MAN2A1: variants seen among roughly 807,000 people sequenced by gnomAD.
MAN2A1 encodes alpha-mannosidase 2.
Under a neutral mutation model 142.6 loss-of-function variants are expected in MAN2A1, and 76 were observed. That is an observed-to-expected ratio of 0.53 (90% CI 0.44 to 0.65). The LOEUF is 0.65. Ranked by LOEUF, MAN2A1 falls within the 30% of genes least tolerant of loss-of-function variation. The pLI is 0.00. For missense variants in MAN2A1, 1,311 were observed against 1,365.1 expected, an observed-to-expected ratio of 0.96 and a Z score of 0.62; for synonymous variants, 559 against 473.2, an observed-to-expected ratio of 1.18 and a Z score of -2.35.
At chr5:109,820,035 T>C in intron 14 of MAN2A1, 148 bp downstream of exon 14, 1 of 791,014 alleles carries the variant, frequency 1.3e-6, no homozygotes, top group Non-Finnish European at 2.0e-6. Context: ...TTTTTGCACC[T>C]TCATTGACCA....
At chr5:109,820,900 G>GT (rs1561529043) in intron 15 of MAN2A1, among the ~76,000 whole-genome samples, 1 of 152,200 alleles carries the variant, frequency 6.6e-6, no homozygotes, top group African/African-American at 2.4e-5. Context: ...TAGATTTTAC[G>GT]TAGAGTTAGG....
rs1042749331 is a variant in MAN2A1, at chr5:109,779,576, CACACACAA to C, written c.1375-1812_1375-1805del. ...ACACACACACGCGTGCACACACACA[CACACACAA>C]ACACACACAGTCTTCTTCCTAGTAA... On this transcript the variant is annotated intron_variant, in intron 8 of 21. Coordinates refer to ENST00000261483, the MANE Select transcript of MAN2A1 (RefSeq NM_002372.4). Among the ~76,000 whole-genome samples the C allele has an allele frequency of 1.4e-3, 112 of 80,682 alleles. 1 individual carries two copies. The East Asian group carries it at 0.041, about 29-fold the overall frequency. The allele number at this position is 80,682 out of a possible 152,430, so 52.9% of individuals were successfully genotyped here.
At chr5:109,768,208 A>G (rs1028117948) in intron 6 of MAN2A1, among the ~76,000 whole-genome samples, 1 of 149,782 alleles carries the variant, frequency 6.7e-6, no homozygotes, top group Non-Finnish European at 1.5e-5. Flanking sequence ...AGGCATTCTA[A>G]GGATATACTT....
intron 3 of MAN2A1, 51 bp from the exon 4 acceptor site, chr5:109,729,291 A>C: frequency 8.3e-7 from 1 of 1,205,310 alleles, no homozygotes; most frequent in Non-Finnish European, 1.2e-6. Flanking sequence ...GACTGAGTTG[A>C]AATCAGCCAT....
intron 1 of MAN2A1, among the ~76,000 whole-genome samples, chr5:109,711,106 A>C (rs1751288339): frequency 6.6e-6 from 1 of 152,104 alleles, no homozygotes; most frequent in East Asian, 1.9e-4. Context: ...GATTACAGGC[A>C]TGAGCCACCG....
chr5:109,855,709 G>A (rs1328674917), intron 20 of MAN2A1, among the ~76,000 whole-genome samples: 3 of 152,080 alleles, frequency 2.0e-5, no homozygotes, highest in African/African-American at 2.4e-5. Context: ...TTGTATTTTC[G>A]TACCTTTCTC....
chr5:109,824,981 G>T (rs150453259), intron 16 of MAN2A1, among the ~76,000 whole-genome samples: 19 of 152,244 alleles, frequency 1.2e-4, no homozygotes, highest in African/African-American at 4.6e-4. Context: ...GATGAATCAA[G>T]AAGTAAAAGT....
chr5:109,844,330 C>T lies in MAN2A1; in HGVS notation c.2701-1535C>T, dbSNP rs144326391. The stretch of plus-strand genomic sequence containing the variant: ...AGCTTTGGATATAGTAGTACTTGGG[C>T]AAAACTAGGTATCTAGCTCCACCAG... On this transcript the variant is annotated intron_variant, in intron 17 of 21. Coordinates refer to ENST00000261483, the MANE Select transcript of MAN2A1 (RefSeq NM_002372.4). 9.3e-3 allele frequency among the ~76,000 whole-genome samples: 1,419 copies of T among 152,210 alleles called. 18 individuals carry two copies. Among genetic ancestry groups the T allele is most frequent in the Admixed American group, 0.024 (361 of 15,284 alleles).
chr5:109,798,588 G>C (rs1404942239), intron 12 of MAN2A1, among the ~76,000 whole-genome samples: 1 of 152,070 alleles, frequency 6.6e-6, no homozygotes, highest in Non-Finnish European at 1.5e-5. Flanking sequence ...ATAAATTATG[G>C]GGCTACCCTG....
chr5:109,770,618 C>T, intron 7 of MAN2A1, 77 bp downstream of exon 7: 2 of 1,308,620 alleles, frequency 1.5e-6, no homozygotes, highest in South Asian at 2.7e-5. Flanking sequence ...AAGGGTTGAA[C>T]AAATGGGCTT....
intron 4 of MAN2A1, among the ~76,000 whole-genome samples, chr5:109,738,211 T>C (rs972266833): frequency 6.6e-6 from 1 of 151,028 alleles, no homozygotes; most frequent in Non-Finnish European, 1.5e-5. Flanking sequence ...CCCTATCAGC[T>C]TTTATTTTTT....
At chr5:109,750,956 A>G (rs1037799267) in intron 4 of MAN2A1, among the ~76,000 whole-genome samples, 1 of 152,030 alleles carries the variant, frequency 6.6e-6, no homozygotes, top group African/African-American at 2.4e-5. Context: ...CATCACCTTG[A>G]GTATCATTTC....
intron 16 of MAN2A1, among the ~76,000 whole-genome samples, chr5:109,830,485 C>T (rs896386031): frequency 6.6e-6 from 1 of 152,198 alleles, no homozygotes; most frequent in Admixed American, 6.5e-5. Flanking sequence ...TTAAATTCAT[C>T]TTCTAAGAAT....
At chr5:109,709,761 C>T (rs987757636) in intron 1 of MAN2A1, among the ~76,000 whole-genome samples, 17 of 152,136 alleles carry the variant, frequency 1.1e-4, no homozygotes, top group African/African-American at 3.9e-4. Flanking sequence ...TCATGACCTC[C>T]TTCCCCACTC....
chr5:109,732,527 AT>A (rs1751945914), intron 4 of MAN2A1, among the ~76,000 whole-genome samples: 1 of 152,006 alleles, frequency 6.6e-6, no homozygotes, highest in Admixed American at 6.5e-5. Context: ...TCCATCTTGA[AT>A]TAATTTTTGT....
intron 3 of MAN2A1, among the ~76,000 whole-genome samples, chr5:109,722,474 G>A (rs1396659884): frequency 6.6e-6 from 1 of 152,142 alleles, no homozygotes; most frequent in Non-Finnish European, 1.5e-5. Flanking sequence ...GAGTGCAGTG[G>A]TGCAATCTCA....
At chr5:109,740,788 A>G (rs1752247248) in intron 4 of MAN2A1, among the ~76,000 whole-genome samples, 1 of 152,158 alleles carries the variant, frequency 6.6e-6, no homozygotes, top group African/African-American at 2.4e-5. Context: ...GCAGGTCAGT[A>G]CTTGAATTAT....
chr5:109,830,334 T>TA (rs1354836359), intron 16 of MAN2A1, among the ~76,000 whole-genome samples: 5 of 152,202 alleles, frequency 3.3e-5, no homozygotes, highest in East Asian at 1.9e-4. Flanking sequence ...TCTTAATCTA[T>TA]AAAAAAGGTA....
At chr5:109,759,124 G>T (rs1210408027) in intron 5 of MAN2A1, among the ~76,000 whole-genome samples, 1 of 152,094 alleles carries the variant, frequency 6.6e-6, no homozygotes, top group East Asian at 1.9e-4. Flanking sequence ...GCTAGTGGTT[G>T]TATTAAATCT....
Sources: gnomAD v4.1 joint callset for allele counts (sites outside exome capture counted in the v4.1 genomes callset) on GRCh38, gnomAD v4.1.1 for gene constraint, MANE v1.5 for transcripts, NCBI Gene and HGNC (gene_info 2026-07-23, HGNC 2026-07-21) for gene names.